SIDT1: variants seen among roughly 807,000 people sequenced by gnomAD.
The protein encoded by SIDT1 is SID1 transmembrane family, member 1.
In SIDT1, 101 loss-of-function variants were observed where a neutral mutation model predicts 107.5. The ratio of observed to expected loss-of-function variants is 0.94; its 90% CI spans 0.80 to 1.11. The LOEUF is 1.11. Among genes scored for constraint, SIDT1 ranks in the 50% least tolerant of loss-of-function variants. The pLI, the probability that SIDT1 is intolerant of heterozygous loss-of-function variation, is 0.00. For missense variants in SIDT1, 1,076 were observed against 1,058.2 expected (o/e 1.02, Z -0.23); for synonymous variants, 395 against 398.2 (o/e 0.99, Z 0.10).
chr3:113,613,485 C>A (rs962986715), intron 19 of SIDT1, among the ~76,000 whole-genome samples: 1 of 152,188 alleles, frequency 6.6e-6, no homozygotes, highest in Non-Finnish European at 1.5e-5. Context: ...ACTAGAAGAC[C>A]AAATAGAGCA....
chr3:113,545,515 C>G (rs1939492931), intron 1 of SIDT1, among the ~76,000 whole-genome samples: 1 of 152,110 alleles, frequency 6.6e-6, no homozygotes, highest in African/African-American at 2.4e-5. Context: ...CACTCTAACA[C>G]AGAAATTAAG....
At chr3:113,629,800 T>G (rs1227492359), downstream of SIDT1, among the ~76,000 whole-genome samples, 2 of 152,190 alleles carry the variant, frequency 1.3e-5, no homozygotes, top group Non-Finnish European at 2.9e-5. Flanking sequence ...GCTGAAGCCT[T>G]CACTGTTTTC....
chr3:113,555,595 A>C (rs1940762966), intron 1 of SIDT1, among the ~76,000 whole-genome samples: 3 of 152,238 alleles, frequency 2.0e-5, no homozygotes, highest in Non-Finnish European at 4.4e-5. Context: ...AAACAAAAGG[A>C]TGAAGGCTTA....
chr3:113,580,216 G>A (rs961638740), intron 4 of SIDT1, among the ~76,000 whole-genome samples: 1 of 152,146 alleles, frequency 6.6e-6, no homozygotes, highest in Non-Finnish European at 1.5e-5. Context: ...ATTTTCGTAT[G>A]TCACATTGAC....
intron 19 of SIDT1, chr3:113,615,157 C>A (rs1306399021): frequency 7.0e-7 from 1 of 1,433,026 alleles, no homozygotes; most frequent in Non-Finnish European, 9.5e-7. Flanking sequence ...GGCAGCCCTG[C>A]TCCCTGAACA....
rs779603219 is a variant in SIDT1, at chr3:113,608,222, G to A, written c.1602+5G>A. On this transcript the variant is annotated splice_donor_5th_base_variant and intron_variant, in intron 16 of 24. Coordinates refer to ENST00000264852, the MANE Select transcript of SIDT1 (RefSeq NM_017699.3). ...GCCAAGGACATCTTTGCTGTGGTGA[G>A]GAAAGAGTGGGTAGGAGCTAGGAAG... 3 of 1,581,226 alleles carry A rather than the reference G, an allele frequency of 1.9e-6. No individual in the cohort carries two copies. The highest frequency in any genetic ancestry group is 1.2e-5 in the South Asian group (1 of 85,486).
rs1446910671 is a variant in SIDT1 at position 113,581,415 on chromosome 3, A to G, written c.718A>G (p.Met240Val). 1 of 1,614,114 alleles carries G rather than the reference A, an allele frequency of 6.2e-7. No homozygotes were observed. The highest frequency in any genetic ancestry group is 8.5e-7 in the Non-Finnish European group (1 of 1,179,968). The change falls in exon 6 of 25, where the codon ATG (methionine) becomes GTG (valine). Residue 240 changes from methionine to valine, a missense_variant. Transcript: ENST00000264852. ...NVEFNGVYQS[M>V]TKKAAITLQK... is the part of the protein sequence containing the mutation. ...GGAATTTAATGGTGTCTATCAGTCCATGACCAAGAAAGCTGCCATCACGCT... is the reference window on the plus strand; with the variant it reads ...GGAATTTAATGGTGTCTATCAGTCCGTGACCAAGAAAGCTGCCATCACGCT...
intron 1 of SIDT1, among the ~76,000 whole-genome samples, chr3:113,545,682 A>G (rs1939510306): frequency 6.6e-6 from 1 of 152,244 alleles, no homozygotes; most frequent in Non-Finnish European, 1.5e-5. Flanking sequence ...CCCCTAGACC[A>G]TTTAATAAGT....
rs921312384 is a variant in SIDT1, at chr3:113,605,917, T to C, written c.1404+941T>C. Among the ~76,000 whole-genome samples the C allele has an allele frequency of 5.9e-5, 9 of 151,732 alleles. No individual in the cohort carries two copies. The East Asian group carries it at 1.7e-3, about 29-fold the overall frequency. On this transcript the variant is annotated intron_variant, in intron 14 of 24. Coordinates refer to ENST00000264852, the MANE Select transcript of SIDT1 (RefSeq NM_017699.3). ...TACTCGGGAGGCTGAAGTGGGAGGA[T>C]TGCTTGAGCCTGTGGAGGTGTAGAT...
At chr3:113,603,923 GT>G in intron 12 of SIDT1, 36 bp from the exon 13 acceptor site, 1 of 1,448,870 alleles carries the variant, frequency 6.9e-7, no homozygotes, top group Non-Finnish European at 9.7e-7. Flanking sequence ...AAAGAGCTGA[GT>G]ACAGTTTTGC....
chr3:113,573,502 G>A (rs1265181406), intron 3 of SIDT1, among the ~76,000 whole-genome samples: 1 of 152,202 alleles, frequency 6.6e-6, no homozygotes, highest in East Asian at 1.9e-4. Flanking sequence ...CCAGAGGTGT[G>A]GGAGAAATCC....
At chr3:113,603,803 A>G (rs1243714941) in intron 12 of SIDT1, among the ~76,000 whole-genome samples, 157 bp from the exon 13 acceptor site, 2 of 152,194 alleles carry the variant, frequency 1.3e-5, no homozygotes, top group African/African-American at 4.8e-5. Flanking sequence ...AGTAAATTTG[A>G]TTTACTTAAT....
At chr3:113,625,295 C>T (rs1213824930) in intron 23 of SIDT1, among the ~76,000 whole-genome samples, 2 of 152,026 alleles carry the variant, frequency 1.3e-5, no homozygotes, top group African/African-American at 4.8e-5. Context: ...CACCACCGTG[C>T]CCAGCTAATT....
chr3:113,633,922 A>G (rs575201562), downstream of SIDT1, among the ~76,000 whole-genome samples: 12 of 152,296 alleles, frequency 7.9e-5, no homozygotes, highest in African/African-American at 2.9e-4. Flanking sequence ...TTAAAATATC[A>G]TGTTGGGACT....
At chr3:113,582,741 A>C (rs539739618) in intron 6 of SIDT1, among the ~76,000 whole-genome samples, 1 of 152,260 alleles carries the variant, frequency 6.6e-6, no homozygotes, top group Admixed American at 6.5e-5. Context: ...CTTCTCAAAA[A>C]ACAAACAAAC....
chr3:113,581,834 C>G (rs535704493), intron 6 of SIDT1: 6 of 177,434 alleles, frequency 3.4e-5, no homozygotes, highest in African/African-American at 9.5e-5. Context: ...GAGCACAGCA[C>G]TGCACTCCAG....
chr3:113,618,847 C>T (rs945942607), intron 20 of SIDT1, among the ~76,000 whole-genome samples: 3 of 152,152 alleles, frequency 2.0e-5, no homozygotes, highest in Non-Finnish European at 4.4e-5. Context: ...TATTTTGGGA[C>T]AGAGTCTTGC....
chr3:113,540,496 A>G lies in SIDT1; in HGVS notation c.222+7253A>G, dbSNP rs529340886. Among the ~76,000 whole-genome samples the G allele has an allele frequency of 5.7e-4, 87 of 152,338 alleles. 1 individual carries two copies. The highest frequency in any genetic ancestry group is 1.9e-3 in the African/African-American group (78 of 41,576). ...TTTATACAGTTTGTTTTCTTAGATT[A>G]TATTTCATCATGGGTGTTGAGTGAA... On this transcript the variant is annotated intron_variant, in intron 1 of 24. Transcript: ENST00000264852.
At chr3:113,590,605 C>T (rs574051482) in intron 9 of SIDT1, among the ~76,000 whole-genome samples, 21 of 152,174 alleles carry the variant, frequency 1.4e-4, no homozygotes, top group Admixed American at 5.2e-4. Flanking sequence ...AAAGAAACTC[C>T]GAGTTTAACA....
Sources: gnomAD v4.1 joint callset for allele counts (sites outside exome capture counted in the v4.1 genomes callset) on GRCh38, gnomAD v4.1.1 for gene constraint, MANE v1.5 for transcripts, NCBI Gene and HGNC (gene_info 2026-07-23, HGNC 2026-07-21) for gene names.